The following CNTN5 variants were observed in gnomAD, a reference collection of about 807,000 sequenced individuals.
The protein encoded by CNTN5 is contactin-5.
CNTN5 carries 77 observed loss-of-function variants against 129.1 expected under a neutral mutation model. The observed-to-expected ratio is 0.60, with a 90% CI of 0.50 to 0.72. The LOEUF is 0.72. Ranked by LOEUF, CNTN5 falls within the 30% of genes least tolerant of loss-of-function variation. The pLI is 0.00. For missense variants in CNTN5, 1,478 were observed against 1,328.8 expected, an observed-to-expected ratio of 1.11 and a Z score of -1.75; for synonymous variants, 509 against 465.6, an observed-to-expected ratio of 1.09 and a Z score of -1.20.
At chr11:100,087,462 A>T (rs1020118757) in intron 13 of CNTN5, among the ~76,000 whole-genome samples, 21 of 151,936 alleles carry the variant, frequency 1.4e-4, no homozygotes, top group African/African-American at 5.1e-4. Flanking sequence ...AAGAGGGAAA[A>T]TAACCCTAAC....
intron 3 of CNTN5, among the ~76,000 whole-genome samples, chr11:99,636,055 A>G (rs1244481758): frequency 1.3e-5 from 2 of 151,820 alleles, no homozygotes; most frequent in Non-Finnish European, 2.9e-5. Flanking sequence ...TTAAAAAAGG[A>G]CTGAAGTAGA....
chr11:99,796,171 C>A (rs1366082782), intron 3 of CNTN5, among the ~76,000 whole-genome samples: 1 of 152,068 alleles, frequency 6.6e-6, no homozygotes. Flanking sequence ...ACAGAGCTGG[C>A]AGTATTTGTG....
At chr11:99,407,765 C>T (rs1242706072) in intron 2 of CNTN5, among the ~76,000 whole-genome samples, 1 of 152,176 alleles carries the variant, frequency 6.6e-6, no homozygotes, top group Non-Finnish European at 1.5e-5. Flanking sequence ...ACTCCCCCCT[C>T]ACTAGGACTC....
chr11:99,199,962 C>A (rs1859086910), intron 1 of CNTN5, among the ~76,000 whole-genome samples: 3 of 142,604 alleles, frequency 2.1e-5, no homozygotes, highest in Admixed American at 2.1e-4. Flanking sequence ...AATATATATC[C>A]ATCAACATCA....
At chr11:99,577,317 C>A (rs2135595501) in intron 3 of CNTN5, among the ~76,000 whole-genome samples, 1 of 152,228 alleles carries the variant, frequency 6.6e-6, no homozygotes, top group East Asian at 1.9e-4. Flanking sequence ...TCTCCCTTTG[C>A]CTCAAGCACT....
intron 1 of CNTN5, among the ~76,000 whole-genome samples, chr11:99,139,028 C>CT (rs1859377712): frequency 6.6e-6 from 1 of 152,042 alleles, no homozygotes; most frequent in Non-Finnish European, 1.5e-5. Flanking sequence ...ATTGCTTGAG[C>CT]TCAGGAGTTC....
At chr11:100,049,760 A>AC (rs71305312) in intron 9 of CNTN5, among the ~76,000 whole-genome samples, 22,370 of 152,114 alleles carry the variant, frequency 0.15, 1,691 homozygotes, top group Non-Finnish European at 0.16. Context: ...TCTACAATGA[A>AC]CTCCAACAAA....
intron 13 of CNTN5, among the ~76,000 whole-genome samples, chr11:100,154,703 A>C (rs1294818352): frequency 6.6e-6 from 1 of 152,078 alleles, no homozygotes; most frequent in Non-Finnish European, 1.5e-5. Context: ...TGACTTTTTA[A>C]TGATGGCCAT....
intron 2 of CNTN5, among the ~76,000 whole-genome samples, chr11:99,521,242 G>A (rs151232586): frequency 1.3e-5 from 2 of 152,226 alleles, no homozygotes; most frequent in South Asian, 2.1e-4. Context: ...GCTGAAGGTT[G>A]ATAACATCAA....
intron 2 of CNTN5, among the ~76,000 whole-genome samples, chr11:99,522,039 A>G (rs1233689458): frequency 6.6e-6 from 1 of 152,182 alleles, no homozygotes; most frequent in Non-Finnish European, 1.5e-5. Flanking sequence ...CTTCTATGAG[A>G]ATGTCAACCA....
At chr11:99,817,045 G>A (rs552760717) in intron 3 of CNTN5, among the ~76,000 whole-genome samples, 3 of 152,212 alleles carry the variant, frequency 2.0e-5, no homozygotes, top group African/African-American at 7.2e-5. Flanking sequence ...CTACCCATGC[G>A]GGGAGCCCAT....
At chr11:99,643,122 A>T (rs891365284) in intron 3 of CNTN5, among the ~76,000 whole-genome samples, 2 of 152,132 alleles carry the variant, frequency 1.3e-5, no homozygotes, top group African/African-American at 4.8e-5. Flanking sequence ...AGGTTTTAAA[A>T]ATGGATTATC....
intron 1 of CNTN5, among the ~76,000 whole-genome samples, chr11:99,126,720 T>C (rs1053815516): frequency 2.0e-5 from 3 of 152,256 alleles, no homozygotes; most frequent in African/African-American, 4.8e-5. Context: ...CAGCCAGTTG[T>C]ATGAAAATTC....
chr11:99,734,249 A>G (rs1250719775), intron 3 of CNTN5, among the ~76,000 whole-genome samples: 1 of 152,190 alleles, frequency 6.6e-6, no homozygotes, highest in East Asian at 1.9e-4. Context: ...AAACAATCCA[A>G]TTATATTCTT....
At chr11:99,629,660 T>TA (rs1431479066) in intron 3 of CNTN5, among the ~76,000 whole-genome samples, 1 of 109,694 alleles carries the variant, frequency 9.1e-6, no homozygotes, top group Non-Finnish European at 2.1e-5. Flanking sequence ...CATATAATTT[T>TA]AAAAAACCTT....
intron 15 of CNTN5, among the ~76,000 whole-genome samples, chr11:100,219,039 G>T (rs1489989941): frequency 6.6e-6 from 1 of 152,120 alleles, no homozygotes; most frequent in Non-Finnish European, 1.5e-5. Context: ...TACAATGATT[G>T]CTAAAACTAT....
intron 3 of CNTN5, among the ~76,000 whole-genome samples, chr11:99,667,692 G>A (rs1255903923): frequency 6.6e-6 from 1 of 152,106 alleles, no homozygotes; most frequent in Non-Finnish European, 1.5e-5. Flanking sequence ...AACTAACACA[G>A]GAACAGAAAA....
At chr11:100,191,009 G>C in intron 13 of CNTN5, 117 bp from the exon 14 acceptor site, 1 of 573,442 alleles carries the variant, frequency 1.7e-6, no homozygotes, top group Non-Finnish European at 2.9e-6. Flanking sequence ...TTTTCACAGT[G>C]ATCCTTTATC....
intron 3 of CNTN5, among the ~76,000 whole-genome samples, chr11:99,575,646 G>A (rs536980865): frequency 9.0e-4 from 137 of 152,270 alleles, no homozygotes; most frequent in African/African-American, 3.1e-3. Context: ...AAATTAAAAG[G>A]TGGTAGAGTA....
Sources: allele counts gnomAD v4.1 joint callset (sites outside exome capture counted in the v4.1 genomes callset), GRCh38; gene constraint gnomAD v4.1.1; transcripts MANE v1.5; gene names NCBI Gene and HGNC (gene_info 2026-07-23, HGNC 2026-07-21).